The following EPHA5 variants were observed in gnomAD, a reference collection of about 807,000 sequenced individuals.
The protein encoded by EPHA5 is ephrin type-A receptor 5.
EPHA5 carries 60 observed loss-of-function variants against 105.0 expected under a neutral mutation model. That is an observed-to-expected ratio of 0.57 (90% CI 0.46 to 0.71). The LOEUF (loss-of-function observed/expected upper bound fraction) is 0.71, where lower values mean the gene tolerates loss of function less well. Among genes scored for constraint, EPHA5 ranks in the 30% least tolerant of loss-of-function variants. EPHA5 has a pLI of 0.00. For synonymous variants in EPHA5, 513 were observed against 449.1 expected (o/e 1.14, Z -1.80); for missense variants, 1,218 against 1,274.7 (o/e 0.96, Z 0.68).
chr4:65,638,282 C>T (rs1402101776), intron 2 of EPHA5, among the ~76,000 whole-genome samples: 3 of 152,022 alleles, frequency 2.0e-5, no homozygotes, highest in African/African-American at 4.8e-5. Context: ...GCAATATCTC[C>T]ACAACTGGGG....
intron 2 of EPHA5, among the ~76,000 whole-genome samples, chr4:65,624,462 G>A (rs891743573): frequency 6.6e-6 from 1 of 152,074 alleles, no homozygotes. Flanking sequence ...TTTATTTACT[G>A]TTACTAAAGG....
chr4:65,497,989 G>A (rs1007133416), intron 3 of EPHA5, among the ~76,000 whole-genome samples: 2 of 151,844 alleles, frequency 1.3e-5, no homozygotes, highest in African/African-American at 4.8e-5. Flanking sequence ...AGAAAAAGGA[G>A]CTATAGCAGT....
intron 5 of EPHA5, among the ~76,000 whole-genome samples, chr4:65,446,373 G>T (rs1326725928): frequency 6.6e-6 from 1 of 152,030 alleles, no homozygotes; most frequent in Admixed American, 6.6e-5. Context: ...GCTTTTTCCT[G>T]TATATTTTAT....
intron 3 of EPHA5, among the ~76,000 whole-genome samples, 160 bp from the exon 4 acceptor site, chr4:65,495,703 A>T (rs538878621): frequency 1.3e-5 from 2 of 152,314 alleles, no homozygotes; most frequent in African/African-American, 4.8e-5. Context: ...CATAAATACC[A>T]GGCTATTCAT....
rs2148842206 is a variant in EPHA5, at chr4:65,348,110, T to A, written c.2539A>T (p.Met847Leu). 1 of 1,613,548 alleles carries A rather than the reference T, an allele frequency of 6.2e-7. No individual in the cohort carries two copies. Among genetic ancestry groups the A allele is most frequent in the Non-Finnish European group, 8.5e-7 (1 of 1,179,724 alleles). ...ASDVWSYGIV[M>L]WEVVSYGERP... is the part of the protein sequence containing the mutation. ...TCTCCATAAGACACAACTTCCCACA[T>A]TACTATTCCATAACTCCAGACATCA... The change falls in exon 14 of 17, where the codon ATG (methionine) becomes TTG (leucine). Residue 847 changes from methionine (M) to leucine (L), a missense_variant. Around this residue, in one of 3 missense-constraint regions of EPHA5, gnomAD observed 971 missense variants for 1,013.5 expected, o/e 0.96. Coordinates refer to ENST00000613740, the MANE Select transcript of EPHA5 (RefSeq NM_001281766.3).
chr4:65,351,063 G>A (rs1215697847), intron 13 of EPHA5, among the ~76,000 whole-genome samples: 1 of 151,638 alleles, frequency 6.6e-6, no homozygotes, highest in Non-Finnish European at 1.5e-5. Flanking sequence ...TTTAATGTAG[G>A]AGATTCTGTA....
intron 3 of EPHA5, among the ~76,000 whole-genome samples, chr4:65,588,323 T>C (rs1055976835): frequency 1.3e-5 from 2 of 152,152 alleles, no homozygotes; most frequent in Non-Finnish European, 2.9e-5. Flanking sequence ...ATTTCTAGTA[T>C]ATTATTGCTT....
chr4:65,349,221 T>C (rs1722586619), intron 13 of EPHA5, among the ~76,000 whole-genome samples: 2 of 152,264 alleles, frequency 1.3e-5, no homozygotes, highest in African/African-American at 2.4e-5. Flanking sequence ...TGTTTTTGTT[T>C]GGTTCAACTG....
In EPHA5 at chr4:65,443,835, C is replaced by T. The variant is rs374557323; in HGVS notation, c.1403-23270G>A. Among the ~76,000 whole-genome samples the T allele has an allele frequency of 1.1e-4, 16 of 152,140 alleles. 2 individuals carry two copies. In the South Asian group the frequency reaches 3.1e-3, roughly 30 times the overall value. On this transcript the variant is annotated intron_variant, in intron 5 of 16. Transcript: ENST00000613740. ...TGCTGGGTCTCAACCCTAGCAATAG[C>T]AGAGTAGCCTATAGTAGGATGACCT...
chr4:65,372,760 T>C (rs1013854060), intron 8 of EPHA5, among the ~76,000 whole-genome samples: 1 of 151,840 alleles, frequency 6.6e-6, no homozygotes, highest in Non-Finnish European at 1.5e-5. Flanking sequence ...AAATTATATC[T>C]TACTTGATGT....
chr4:65,344,465 C>T (rs765096136), intron 14 of EPHA5, among the ~76,000 whole-genome samples: 1 of 152,090 alleles, frequency 6.6e-6, no homozygotes, highest in Non-Finnish European at 1.5e-5. Context: ...TTCCTTATAA[C>T]GTGGATGATC....
chr4:65,524,216 A>T (rs1735023852), intron 3 of EPHA5, among the ~76,000 whole-genome samples: 1 of 151,772 alleles, frequency 6.6e-6, no homozygotes. Context: ...ATTTTTTAAA[A>T]GGTATACTGT....
chr4:65,526,711 T>C (rs566324032), intron 3 of EPHA5, among the ~76,000 whole-genome samples: 4 of 152,092 alleles, frequency 2.6e-5, no homozygotes, highest in African/African-American at 9.6e-5. Context: ...CAAAATGTCA[T>C]GAGAGCCAAA....
chr4:65,389,957 G>T (rs1720537707), intron 8 of EPHA5, among the ~76,000 whole-genome samples: 1 of 151,842 alleles, frequency 6.6e-6, no homozygotes, highest in South Asian at 2.1e-4. Flanking sequence ...GGAAGTAGGG[G>T]TGTAGTAAGG....
At chr4:65,635,239 C>A (rs565524002) in intron 2 of EPHA5, among the ~76,000 whole-genome samples, 65 of 152,212 alleles carry the variant, frequency 4.3e-4, no homozygotes, top group Non-Finnish European at 6.3e-4. Context: ...TGTAGGGTTA[C>A]TTTTTCTTTC....
chr4:65,644,083 T>C (rs903118088), intron 1 of EPHA5, among the ~76,000 whole-genome samples: 1 of 152,000 alleles, frequency 6.6e-6, no homozygotes, highest in African/African-American at 2.4e-5. Flanking sequence ...GACCATAGTC[T>C]AAAAAGGATG....
At chr4:65,533,691 T>C (rs763129076) in intron 3 of EPHA5, among the ~76,000 whole-genome samples, 43 of 152,026 alleles carry the variant, frequency 2.8e-4, no homozygotes, top group Non-Finnish European at 5.1e-4. Context: ...TCCCAGAACT[T>C]TGGGAGGCCG....
chr4:65,427,648 G>T (rs1303242006), intron 5 of EPHA5, among the ~76,000 whole-genome samples: 1 of 152,134 alleles, frequency 6.6e-6, no homozygotes, highest in Non-Finnish European at 1.5e-5. Flanking sequence ...GGGAAAAATA[G>T]GAAGACAAGC....
chr4:65,597,984 A>G (rs1453935012), intron 3 of EPHA5, among the ~76,000 whole-genome samples: 1 of 152,192 alleles, frequency 6.6e-6, no homozygotes, highest in Non-Finnish European at 1.5e-5. Context: ...GCATGATATG[A>G]CAGCAAGTAC....
Sources: allele counts gnomAD v4.1 joint callset (sites outside exome capture counted in the v4.1 genomes callset), GRCh38; gene constraint gnomAD v4.1.1; regional missense constraint gnomAD v4.1.1; transcripts MANE v1.5; gene names NCBI Gene and HGNC (gene_info 2026-07-23, HGNC 2026-07-21).